Variants in CDKL5 observed in about 807,000 individuals in gnomAD.
The protein encoded by CDKL5 is cyclin-dependent kinase-like 5.
In CDKL5, 8 loss-of-function variants were observed where a neutral mutation model predicts 61.7. That is an observed-to-expected ratio of 0.13 (90% CI 0.08 to 0.23). CDKL5 has a LOEUF of 0.23. Among genes scored for constraint, CDKL5 ranks in the 10% least tolerant of loss-of-function variants. The pLI is 1.00. For synonymous variants in CDKL5, 275 were observed against 272.3 expected (o/e 1.01, Z -0.10); for missense variants, 440 against 734.5 (o/e 0.60, Z 4.63).
At chrX:18,491,727 C>T (rs1483138773) in intron 1 of CDKL5, among the ~76,000 whole-genome samples, 1 of 110,740 alleles carries the variant, frequency 9.0e-6, no homozygotes, top group South Asian at 3.8e-4. Flanking sequence ...AAAAAAGATA[C>T]GTGATATTTA....
chrX:18,436,961 A>G (rs1423736645), intron 1 of CDKL5, among the ~76,000 whole-genome samples: 3 of 109,130 alleles, frequency 2.7e-5, no homozygotes, highest in South Asian at 7.9e-4. Flanking sequence ...AAATAGAGAA[A>G]CAGGCATTGA....
At chrX:18,587,847 A>G in intron 8 of CDKL5, 107 bp from the exon 9 acceptor site, 1 of 756,487 alleles carries the variant, frequency 1.3e-6, no homozygotes, top group South Asian at 2.2e-5. Flanking sequence ...TTTTAATTTC[A>G]TAAATATACA....
intron 1 of CDKL5, among the ~76,000 whole-genome samples, chrX:18,486,662 A>T (rs2030928583): frequency 8.9e-6 from 1 of 111,891 alleles, no homozygotes; most frequent in African/African-American, 3.2e-5. Context: ...TATCTATTTT[A>T]AAGGATTGAA....
intron 4 of CDKL5, among the ~76,000 whole-genome samples, chrX:18,571,753 A>G (rs1191843617): frequency 1.8e-5 from 2 of 111,486 alleles, no homozygotes; most frequent in Non-Finnish European, 3.8e-5. Context: ...GGATGTACCC[A>G]GTAATAATGA....
intron 3 of CDKL5, among the ~76,000 whole-genome samples, chrX:18,530,827 A>C (rs1923619378): frequency 8.9e-6 from 1 of 111,908 alleles, no homozygotes; most frequent in South Asian, 3.7e-4. Flanking sequence ...AAGCTAGGTC[A>C]TGTTTAATGA....
At chrX:18,486,654 T>C (rs1450056463) in intron 1 of CDKL5, among the ~76,000 whole-genome samples, 3 of 112,152 alleles carry the variant, frequency 2.7e-5, no homozygotes, top group Admixed American at 9.5e-5. Flanking sequence ...CCTTTTGTTA[T>C]CTATTTTAAA....
chrX:18,481,483 A>G (rs1365778750), intron 1 of CDKL5, among the ~76,000 whole-genome samples: 1 of 105,314 alleles, frequency 9.5e-6, no homozygotes, highest in Non-Finnish European at 1.9e-5. Flanking sequence ...CTCCAGAGTA[A>G]CTGGGGCTAC....
chrX:18,608,854 C>T lies in CDKL5; in HGVS notation c.1988C>T (p.Ser663Leu), dbSNP rs1926449049. ...CCAGAGATGACTGTGGCAAGATCTT[C>T]GGTCAAAGAGACCTCCAGAGAAGGC... is the stretch of plus-strand genomic sequence containing the variant. ...LPPEMTVARS[S>L]VKETSREGTS... Residue 663 changes from serine (S) to leucine (L), a missense_variant, in exon 13 of 18, where the codon TCG becomes TTG. By Grantham distance (145) the Ser-to-Leu change is moderately radical. This residue lies in a region of CDKL5 where 363 missense variants were observed against 516.3 expected (regional missense o/e 0.70). Coordinates refer to ENST00000623535, the MANE Select transcript of CDKL5 (RefSeq NM_001323289.2). 3 of 1,208,681 alleles carry T rather than the reference C, an allele frequency of 2.5e-6. No homozygotes were observed. The highest frequency in any genetic ancestry group is 2.2e-6 in the Non-Finnish European group (2 of 893,063).
intron 3 of CDKL5, among the ~76,000 whole-genome samples, chrX:18,537,504 ATTTCACCAATTTTATC>A (rs1353688676): frequency 3.6e-5 from 4 of 111,690 alleles, no homozygotes; most frequent in African/African-American, 1.3e-4. Context: ...CCTTATTCAG[ATTTCACCAATTTTATC>A]TGCACTCCTG....
In CDKL5 at chrX:18,523,526, A is replaced by G. The variant is rs892897566; in HGVS notation, c.99+12672A>G. 1.6e-4 allele frequency among the ~76,000 whole-genome samples: 18 copies of G among 112,126 alleles called. No individual in the cohort carries two copies. The Admixed American group carries it at 1.7e-3, about 11-fold the overall frequency. On this transcript the variant is annotated intron_variant, in intron 3 of 17. Transcript: ENST00000623535. ...TATTATATGGTTGAACCTTGAAAAC[A>G]TCATGTTCATTGTATATGTATACAA...
intron 1 of CDKL5, among the ~76,000 whole-genome samples, chrX:18,500,643 T>G (rs1922348255): frequency 9.0e-6 from 1 of 111,443 alleles, no homozygotes; most frequent in Non-Finnish European, 1.9e-5. Flanking sequence ...GGACATTTCA[T>G]CCAAGATATG....
intron 1 of CDKL5, among the ~76,000 whole-genome samples, chrX:18,463,716 G>A (rs1420421768): frequency 8.9e-6 from 1 of 112,267 alleles, no homozygotes; most frequent in Non-Finnish European, 1.9e-5. Context: ...GATGCTTGGT[G>A]TGCTGTTAGT....
chrX:18,437,516 A>G (rs1044245873), intron 1 of CDKL5, among the ~76,000 whole-genome samples: 3 of 112,275 alleles, frequency 2.7e-5, no homozygotes, highest in African/African-American at 9.7e-5. Flanking sequence ...TCTTCCAAAT[A>G]CAGTGTCTTA....
intron 3 of CDKL5, among the ~76,000 whole-genome samples, chrX:18,559,677 C>T (rs1277438840): frequency 9.6e-6 from 1 of 103,859 alleles, no homozygotes; most frequent in Non-Finnish European, 2.0e-5. Context: ...TACATGTGCA[C>T]AATGTGCAGG....
chrX:18,508,079 TTAAAGA>T (rs1470856796), intron 2 of CDKL5, among the ~76,000 whole-genome samples: 1 of 112,348 alleles, frequency 8.9e-6, no homozygotes, highest in Non-Finnish European at 1.9e-5. Flanking sequence ...TGCTCTAGAC[TTAAAGA>T]TAACTTTGGA....
chrX:18,601,738 G>A (rs1335484373), intron 11 of CDKL5, among the ~76,000 whole-genome samples: 3 of 111,886 alleles, frequency 2.7e-5, no homozygotes, highest in Non-Finnish European at 3.8e-5. Context: ...TGTCTCTTAC[G>A]TTGCTCTGAA....
rs901447165 is a variant in CDKL5, at chrX:18,632,595, A to G, written c.*3838A>G. On this transcript the variant is annotated 3_prime_UTR_variant, in exon 18 of 18. Transcript: ENST00000623535. ...GTTGTGATGTGGCTGTTATAGAAGT[A>G]TTTGTGCTGTATGCTTTGGTTAAAT... The G allele has an allele frequency of 4.0e-6, 3 of 753,410 alleles. No individual in the cohort carries two copies. The African/African-American group carries it at 6.9e-5, about 17-fold the overall frequency. The allele number at this position is 753,410 out of a possible 1,213,427, so 62.1% of individuals were successfully genotyped here.
Position 18,516,000 on chromosome X carries a change from T to TTC in CDKL5, c.99+5163_99+5164dup, listed in dbSNP as rs61114888. Among the ~76,000 whole-genome samples the TTC allele has an allele frequency of 0.016, 1,701 of 107,140 alleles. 61 individuals are homozygous for TTC. In the East Asian group the frequency reaches 0.18, roughly 11 times the overall value. The allele number at this position is 107,140 out of a possible 115,157, so 93.0% of individuals were successfully genotyped here. A position where few individuals can be genotyped will look rare whatever the true frequency, so the allele number is the denominator to read the frequency against. ...CTTCCTTCCTTTCTTCTTTCCTTCT[T>TTC]TCTCTCTCTCTCTCTCTCACTGTGT... On this transcript the variant is annotated intron_variant, in intron 3 of 17. Coordinates refer to ENST00000623535, the MANE Select transcript of CDKL5 (RefSeq NM_001323289.2).
chrX:18,628,505 C>T lies in CDKL5; in HGVS notation c.2631C>T (p.His877=). ...ATTCCTTCTCAGAAATTCGGATTCA[C>T]CCCCTGAGCCAGGCCTCTGGCGGGA... The part of the protein sequence containing the change: ...TKNSFSEIRI[H]PLSQASGGSS... The change falls in exon 18 of 18, where the codon CAC becomes CAT. Residue 877 remains histidine, a synonymous_variant. Coordinates refer to ENST00000623535, the MANE Select transcript of CDKL5 (RefSeq NM_001323289.2). The T allele has an allele frequency of 8.2e-7, 1 of 1,212,129 alleles. No individual in the cohort carries two copies. Among genetic ancestry groups the T allele is most frequent in the Non-Finnish European group, 1.1e-6 (1 of 895,562 alleles).
Sources: gnomAD v4.1 joint callset for allele counts (sites outside exome capture counted in the v4.1 genomes callset) on GRCh38, gnomAD v4.1.1 for gene constraint, gnomAD v4.1.1 regional missense constraint, MANE v1.5 for transcripts, NCBI Gene and HGNC (gene_info 2026-07-23, HGNC 2026-07-21) for gene names.